ITPK1: variants seen among roughly 807,000 people sequenced by gnomAD.
The protein encoded by ITPK1 is inositol 1,3,4-trisphosphate 5/6-kinase.
Under a neutral mutation model 45.3 loss-of-function variants are expected in ITPK1, and 21 were observed. The ratio of observed to expected loss-of-function variants is 0.46; its 90% CI spans 0.33 to 0.67. The LOEUF (loss-of-function observed/expected upper bound fraction) is 0.67, where lower values mean the gene tolerates loss of function less well. Ranked by LOEUF, ITPK1 falls within the 30% of genes least tolerant of loss-of-function variation. The probability of loss-of-function intolerance (pLI) is 0.02; values close to 1 mark genes in which losing one functional copy is unlikely to be tolerated. For synonymous variants in ITPK1, 258 were observed against 253.6 expected (o/e 1.02, Z -0.16); for missense variants, 474 against 573.5 (o/e 0.83, Z 1.77).
At chr14:93,026,387 A>C (rs978562890) in intron 3 of ITPK1, among the ~76,000 whole-genome samples, 2 of 152,256 alleles carry the variant, frequency 1.3e-5, no homozygotes, top group African/African-American at 4.8e-5. Context: ...CTTCCAACAT[A>C]TAAAAATTAG....
At chr14:93,041,995 C>A (rs1889581917) in intron 3 of ITPK1, among the ~76,000 whole-genome samples, 1 of 152,182 alleles carries the variant, frequency 6.6e-6, no homozygotes, top group South Asian at 2.1e-4. Context: ...TCCTAAGGGC[C>A]ACCTACTAAA....
At chr14:93,013,854 C>A (rs1481549145) in intron 4 of ITPK1, among the ~76,000 whole-genome samples, 2 of 152,220 alleles carry the variant, frequency 1.3e-5, no homozygotes, top group African/African-American at 4.8e-5. Flanking sequence ...TGTGGTCTGG[C>A]TCTGAACTTG....
intron 3 of ITPK1, among the ~76,000 whole-genome samples, chr14:93,056,557 G>T (rs1372028975): frequency 6.6e-6 from 1 of 152,200 alleles, no homozygotes; most frequent in Non-Finnish European, 1.5e-5. Flanking sequence ...GGGACCAAGA[G>T]GGGTGCAGTG....
Position 93,033,923 on chromosome 14 carries a change from C to T in ITPK1, c.121-17122G>A, listed in dbSNP as rs373348674. The stretch of plus-strand genomic sequence containing the variant: ...AGACAGAAAGAGAAGCAGGACTGCA[C>T]AGCAGCTGTGGGACTGGGGACTGAG... On this transcript the variant is annotated intron_variant, in intron 3 of 10. Coordinates refer to ENST00000267615, the MANE Select transcript of ITPK1 (RefSeq NM_014216.6). Among the ~76,000 whole-genome samples the T allele has an allele frequency of 3.9e-4, 59 of 152,084 alleles. 1 individual carries two copies. In the East Asian group the frequency reaches 0.011, roughly 29 times the overall value.
intron 2 of ITPK1, among the ~76,000 whole-genome samples, chr14:93,084,907 T>A (rs556596478): frequency 1.7e-4 from 26 of 152,206 alleles, no homozygotes; most frequent in Middle Eastern, 6.8e-3. Context: ...GAGGCAGGAA[T>A]AATGGCTTCC....
At chr14:92,964,749 C>A (rs1285281457) in intron 5 of ITPK1, among the ~76,000 whole-genome samples, 2 of 152,120 alleles carry the variant, frequency 1.3e-5, no homozygotes, top group African/African-American at 2.4e-5. Flanking sequence ...CTCCCTGTGG[C>A]CCCCCGGAGT....
At chr14:93,062,512 G>A (rs141042194) in intron 3 of ITPK1, among the ~76,000 whole-genome samples, 6 of 152,176 alleles carry the variant, frequency 3.9e-5, no homozygotes, top group African/African-American at 1.2e-4. Flanking sequence ...CATGAATAAA[G>A]TCACACTTTA....
chr14:93,068,052 T>G (rs1890833534), intron 3 of ITPK1: 1 of 153,458 alleles, frequency 6.5e-6, no homozygotes, highest in Non-Finnish European at 1.5e-5. Flanking sequence ...ACAATGTATC[T>G]TTCTCAACAG....
At chr14:93,001,977 T>A (rs1887378191) in intron 4 of ITPK1, among the ~76,000 whole-genome samples, 2 of 152,178 alleles carry the variant, frequency 1.3e-5, no homozygotes, top group African/African-American at 4.8e-5. Context: ...GTCACAGACC[T>A]ATACACCTTG....
intron 4 of ITPK1, among the ~76,000 whole-genome samples, chr14:93,001,240 T>G (rs1249700577): frequency 2.0e-5 from 3 of 152,084 alleles, no homozygotes; most frequent in Non-Finnish European, 4.4e-5. Context: ...TTGCATGAGC[T>G]GAGATTGTGC....
chr14:92,965,776 G>A (rs980125468), intron 5 of ITPK1, among the ~76,000 whole-genome samples: 1 of 152,170 alleles, frequency 6.6e-6, no homozygotes, highest in Admixed American at 6.5e-5. Context: ...GGCCAAAGCA[G>A]GCGGATCACC....
chr14:93,040,500 C>T (rs1033784472), intron 3 of ITPK1, among the ~76,000 whole-genome samples: 1 of 152,164 alleles, frequency 6.6e-6, no homozygotes, highest in Non-Finnish European at 1.5e-5. Context: ...CCTGCCACAC[C>T]GCTTGGCCCA....
chr14:93,050,920 C>T (rs12882460), intron 3 of ITPK1, among the ~76,000 whole-genome samples: 7,539 of 152,196 alleles, frequency 0.05, 194 homozygotes, highest in Middle Eastern at 0.075. Context: ...ACACGCCTTG[C>T]GGTGCTGGAA....
chr14:92,978,168 G>A (rs1886041951), intron 5 of ITPK1, among the ~76,000 whole-genome samples: 1 of 151,948 alleles, frequency 6.6e-6, no homozygotes, highest in Admixed American at 6.5e-5. Flanking sequence ...GGCATATTGT[G>A]TCCCTGCTCT....
chr14:93,115,833 G>T lies in ITPK1; in HGVS notation c.-204C>A. On this transcript the variant is annotated 5_prime_UTR_variant, in exon 1 of 11. Transcript: ENST00000267615. ...CCTCGCGCGCTGCCCGCCGAGAAGGGCGGCGGCGAGCGCCCGCGCACTCGC... is the reference window on the plus strand; with the variant it reads ...CCTCGCGCGCTGCCCGCCGAGAAGGTCGGCGGCGAGCGCCCGCGCACTCGC... 6.8e-6 allele frequency: 1 copy of T among 147,062 alleles called. No individual in the cohort carries two copies. The highest frequency in any genetic ancestry group is 1.8e-4 in the South Asian group (1 of 5,438). 9.1% of individuals were successfully genotyped at this position (147,062 alleles called of 1,614,324 possible). A position where few individuals can be genotyped will look rare whatever the true frequency, so the allele number is the denominator to read the frequency against.
At chr14:92,999,149 G>C (rs1887205758) in intron 4 of ITPK1, among the ~76,000 whole-genome samples, 1 of 152,234 alleles carries the variant, frequency 6.6e-6, no homozygotes, top group African/African-American at 2.4e-5. Context: ...GCTCTGAGGA[G>C]AGCCTGTGCG....
chr14:93,115,569 C>T (rs530757238), intron 1 of ITPK1, among the ~76,000 whole-genome samples: 1 of 149,520 alleles, frequency 6.7e-6, no homozygotes, highest in Non-Finnish European at 1.5e-5. Context: ...AGACACCGCC[C>T]CCGCCCTGCC....
intron 4 of ITPK1, among the ~76,000 whole-genome samples, chr14:92,997,837 C>T (rs901264859): frequency 6.6e-6 from 1 of 152,172 alleles, no homozygotes; most frequent in East Asian, 1.9e-4. Flanking sequence ...CAGAGCGTCA[C>T]GGTGCCCACC....
intron 2 of ITPK1, among the ~76,000 whole-genome samples, chr14:93,102,735 C>T (rs1408244918): frequency 6.6e-6 from 1 of 151,610 alleles, no homozygotes; most frequent in South Asian, 2.1e-4. Flanking sequence ...GACGGGCGAT[C>T]GATCAAGCTC....
Sources: allele counts gnomAD v4.1 joint callset (sites outside exome capture counted in the v4.1 genomes callset), GRCh38; gene constraint gnomAD v4.1.1; transcripts MANE v1.5; gene names NCBI Gene and HGNC (gene_info 2026-07-23, HGNC 2026-07-21).